Variants in PHAX observed in about 807,000 individuals in gnomAD.
The protein encoded by PHAX is phosphorylated adapter RNA export protein.
PHAX carries 31 observed loss-of-function variants against 41.6 expected under a neutral mutation model. The observed-to-expected ratio is 0.75, with a 90% CI of 0.56 to 1.01. PHAX has a LOEUF of 1.01. PHAX is among the 50% of genes least tolerant of loss of function. The pLI is 0.00. For missense variants in PHAX, 453 were observed against 472.9 expected, an observed-to-expected ratio of 0.96 and a Z score of 0.39; for synonymous variants, 175 against 164.9, an observed-to-expected ratio of 1.06 and a Z score of -0.47.
intron 4 of PHAX, among the ~76,000 whole-genome samples, chr5:126,621,932 T>C (rs990897816): frequency 6.6e-6 from 1 of 152,172 alleles, no homozygotes; most frequent in Non-Finnish European, 1.5e-5. Flanking sequence ...TCATAACGCA[T>C]GGGAATGAAG....
At chr5:126,613,207 G>A (rs543544377) in intron 3 of PHAX, among the ~76,000 whole-genome samples, 81 of 152,154 alleles carry the variant, frequency 5.3e-4, no homozygotes, top group African/African-American at 1.9e-3. Flanking sequence ...AAATTAGCCG[G>A]GTGTGGTGGC....
chr5:126,600,977 C>A lies in PHAX; in HGVS notation c.15C>A (p.Val5=). 6.2e-7 allele frequency: 1 copy of A among 1,603,788 alleles called. No individual in the cohort carries two copies. Among genetic ancestry groups the A allele is most frequent in the Non-Finnish European group, 8.5e-7 (1 of 1,175,298 alleles). Residue 5 remains valine, a synonymous_variant, in exon 1 of 5, where the codon GTC becomes GTA. Transcript: ENST00000297540. The part of the protein sequence containing the change: MALE[V]GDMEDGQLSD... ...ACCGCGGGAAGATGGCGTTGGAGGT[C>A]GGCGATATGGAAGATGGGCAGCTTT...
In PHAX at chr5:126,602,873, C is replaced by T. The variant is rs189375632; in HGVS notation, c.97-697C>T. Among the ~76,000 whole-genome samples, 31 of 152,002 alleles carry T rather than the reference C, an allele frequency of 2.0e-4. No individual in the cohort carries two copies. The East Asian group carries it at 5.6e-3, about 28-fold the overall frequency. On this transcript the variant is annotated intron_variant, in intron 1 of 4. Transcript: ENST00000297540. ...CAAAAAAATTAGCTGGGCGTGGTGG[C>T]GGGCGCCTGTAGTCCCAGCTACTCC...
At chr5:126,607,613 G>A (rs960437343) in intron 2 of PHAX, among the ~76,000 whole-genome samples, 2 of 151,822 alleles carry the variant, frequency 1.3e-5, no homozygotes, top group African/African-American at 4.8e-5. Flanking sequence ...ACGTTAGTCA[G>A]ACTGGTCTCG....
At chr5:126,611,159 G>A (rs1214113559) in intron 3 of PHAX, among the ~76,000 whole-genome samples, 7 of 151,654 alleles carry the variant, frequency 4.6e-5, no homozygotes, top group Non-Finnish European at 1.0e-4. Context: ...GGGTTCAAGC[G>A]ATTCTCCTGC....
intron 2 of PHAX, among the ~76,000 whole-genome samples, chr5:126,605,044 A>T (rs1201119155): frequency 6.6e-6 from 1 of 151,888 alleles, no homozygotes; most frequent in East Asian, 1.9e-4. Flanking sequence ...AGAAAAAAAA[A>T]AAAATTAGGA....
intron 4 of PHAX, among the ~76,000 whole-genome samples, chr5:126,620,698 A>G (rs749067608): frequency 2.0e-5 from 3 of 152,106 alleles, no homozygotes; most frequent in Non-Finnish European, 4.4e-5. Flanking sequence ...AACACTTGGA[A>G]TATCTAATAA....
At chr5:126,606,259 G>C (rs778230797) in intron 2 of PHAX, among the ~76,000 whole-genome samples, 1 of 152,044 alleles carries the variant, frequency 6.6e-6, no homozygotes, top group Admixed American at 6.6e-5. Context: ...GCAGTGTCAC[G>C]ATCTCAGCTC....
chr5:126,618,625 A>T (rs555363497), intron 4 of PHAX, among the ~76,000 whole-genome samples: 9 of 145,906 alleles, frequency 6.2e-5, no homozygotes, highest in South Asian at 2.2e-4. Flanking sequence ...TTTTAATTAA[A>T]TTTTTTTTTT....
chr5:126,622,083 A>T (rs1217276404), intron 4 of PHAX, among the ~76,000 whole-genome samples: 2 of 151,540 alleles, frequency 1.3e-5, no homozygotes, highest in Non-Finnish European at 2.9e-5. Context: ...CCTCCCAAGT[A>T]GCTGGGATTA....
chr5:126,611,221 A>G (rs1433939683), intron 3 of PHAX, among the ~76,000 whole-genome samples: 2 of 150,504 alleles, frequency 1.3e-5, no homozygotes, highest in Non-Finnish European at 2.9e-5. Flanking sequence ...ACCCCGGCTA[A>G]TTTTGTATTT....
At chr5:126,617,377 C>T in intron 4 of PHAX, 44 bp downstream of exon 4, 1 of 1,132,882 alleles carries the variant, frequency 8.8e-7, no homozygotes, top group Non-Finnish European at 1.3e-6. Context: ...CATAATTTGA[C>T]TTCTACTCAC....
chr5:126,615,541 A>C (rs932822563), intron 3 of PHAX, among the ~76,000 whole-genome samples: 3 of 72,060 alleles, frequency 4.2e-5, no homozygotes, highest in African/African-American at 1.7e-4. Context: ...CCCTCTGGGG[A>C]TTTTGCTGTT....
chr5:126,609,123 A>G (rs1752039586), intron 3 of PHAX, among the ~76,000 whole-genome samples: 1 of 83,042 alleles, frequency 1.2e-5, no homozygotes, highest in Admixed American at 1.3e-4. Flanking sequence ...TTTTTTGAGA[A>G]GGAGTCTCGC....
chr5:126,612,331 C>T (rs1169487355), intron 3 of PHAX, among the ~76,000 whole-genome samples: 3 of 152,124 alleles, frequency 2.0e-5, no homozygotes, highest in Non-Finnish European at 2.9e-5. Context: ...CTAGTGGGAA[C>T]TTGTTTGCCA....
rs552249607 is a variant in PHAX, at chr5:126,603,402, C to T, written c.97-168C>T. On this transcript the variant is annotated intron_variant, in intron 1 of 4. Transcript: ENST00000297540. ...TAAGAATTTGTGGCTTTTAAATTGG[C>T]AAATTCCATGTGGAACTTAGAAAAG... Among the ~76,000 whole-genome samples, 83 of 152,278 alleles carry T rather than the reference C, an allele frequency of 5.5e-4. No homozygotes were observed. In the South Asian group the frequency reaches 0.012, roughly 22 times the overall value.
Position 126,603,726 on chromosome 5 carries a change from C to T in PHAX, c.253C>T (p.Gln85Ter). 6.2e-7 allele frequency: 1 copy of T among 1,614,092 alleles called. No homozygotes were observed. Among genetic ancestry groups the T allele is most frequent in the Non-Finnish European group, 8.5e-7 (1 of 1,180,024 alleles). ...TAGCTGTCTTTGGAAACGCAAACGA[C>T]AGAAATGTTTTAACCCTCCTCCCAA... ...DDSCLWKRKR[Q>*]KCFNPPPKPE... Residue 85 changes from glutamine to a stop codon, truncating the protein, a stop_gained, in exon 2 of 5, where the codon CAG (glutamine) becomes TAG (stop). Transcript: ENST00000297540. LOFTEE classifies it high-confidence loss of function.
chr5:126,607,889 C>G (rs767008778), intron 2 of PHAX, among the ~76,000 whole-genome samples: 1 of 152,140 alleles, frequency 6.6e-6, no homozygotes, highest in Non-Finnish European at 1.5e-5. Context: ...AATAAGCCAT[C>G]AGTAAATATT....
At chr5:126,601,822 A>G (rs1385596699) in intron 1 of PHAX, among the ~76,000 whole-genome samples, 1 of 151,988 alleles carries the variant, frequency 6.6e-6, no homozygotes, top group Non-Finnish European at 1.5e-5. Flanking sequence ...GCCCGCTGCC[A>G]CGCCCGGTTA....
Sources: allele counts gnomAD v4.1 joint callset (sites outside exome capture counted in the v4.1 genomes callset), GRCh38; gene constraint gnomAD v4.1.1; transcripts MANE v1.5; gene names NCBI Gene and HGNC (gene_info 2026-07-23, HGNC 2026-07-21).